The following XKR4 variants were observed in gnomAD, a reference collection of about 807,000 sequenced individuals.
XKR4 encodes XK related 4.
In XKR4, 12 loss-of-function variants were observed where a neutral mutation model predicts 53.9. The ratio of observed to expected loss-of-function variants is 0.22; its 90% CI spans 0.14 to 0.36. The LOEUF (loss-of-function observed/expected upper bound fraction) is 0.36. XKR4 is among the 10% of genes least tolerant of loss of function. XKR4 has a pLI of 1.00. For missense variants in XKR4, 799 were observed against 859.5 expected, an observed-to-expected ratio of 0.93 and a Z score of 0.88; for synonymous variants, 354 against 362.4, an observed-to-expected ratio of 0.98 and a Z score of 0.26.
rs960150454 is a variant in XKR4, at chr8:55,531,369, A to G, written c.*7142A>G. ...TAGAAAAGTTAACAGTAAAAAATAT[A>G]GTATTATTGTCTTATGGGATCGCTG... On this transcript the variant is annotated 3_prime_UTR_variant, in exon 3 of 3. Transcript: ENST00000327381. The G allele has an allele frequency of 1.3e-5, 2 of 152,222 alleles. No individual in the cohort carries two copies. The highest frequency in any genetic ancestry group is 4.8e-5 in the African/African-American group (2 of 41,460). 9.4% of individuals were successfully genotyped at this position (152,222 alleles called of 1,614,324 possible).
intron 1 of XKR4, chr8:55,164,567 C>A (rs2129357663): frequency 2.5e-6 from 1 of 397,098 alleles, no homozygotes; most frequent in South Asian, 1.8e-5. Flanking sequence ...TGCTTATGGG[C>A]AAAATGAATG....
chr8:55,362,364 T>C (rs1360147327), intron 2 of XKR4, among the ~76,000 whole-genome samples: 2 of 152,168 alleles, frequency 1.3e-5, no homozygotes, highest in Non-Finnish European at 2.9e-5. Context: ...GAAGAGAGAA[T>C]GGTCAGGTCT....
chr8:55,494,862 C>T (rs1449858571), intron 2 of XKR4, among the ~76,000 whole-genome samples: 1 of 152,184 alleles, frequency 6.6e-6, no homozygotes, highest in East Asian at 1.9e-4. Context: ...CAAGTTCCCC[C>T]TCTGGTCTGC....
intron 1 of XKR4, among the ~76,000 whole-genome samples, chr8:55,280,051 G>A (rs935754572): frequency 4.6e-5 from 7 of 152,152 alleles, no homozygotes; most frequent in Non-Finnish European, 1.0e-4. Context: ...GCCTTGTAAT[G>A]TGTTTGTGTT....
At chr8:55,184,860 T>A (rs1817356084) in intron 1 of XKR4, among the ~76,000 whole-genome samples, 1 of 151,604 alleles carries the variant, frequency 6.6e-6, no homozygotes, top group Non-Finnish European at 1.5e-5. Context: ...TTTTCTTTTT[T>A]AAGGCTAAAT....
intron 1 of XKR4, among the ~76,000 whole-genome samples, chr8:55,329,919 T>C (rs1240949245): frequency 6.6e-6 from 1 of 152,178 alleles, no homozygotes; most frequent in Non-Finnish European, 1.5e-5. Context: ...TACCACTCTC[T>C]TGTTTTCATT....
chr8:55,227,300 T>C (rs993268976), intron 1 of XKR4, among the ~76,000 whole-genome samples: 2 of 152,158 alleles, frequency 1.3e-5, no homozygotes, highest in African/African-American at 4.8e-5. Flanking sequence ...GACTTGAAAA[T>C]CTTTACTTAG....
At chr8:55,109,716 C>G (rs763014638) in intron 1 of XKR4, among the ~76,000 whole-genome samples, 1 of 152,110 alleles carries the variant, frequency 6.6e-6, no homozygotes, top group Non-Finnish European at 1.5e-5. Flanking sequence ...TATTTTTATA[C>G]TTATTACTCC....
intron 1 of XKR4, among the ~76,000 whole-genome samples, chr8:55,296,488 A>G (rs917154573): frequency 2.6e-5 from 4 of 152,222 alleles, no homozygotes; most frequent in Admixed American, 1.3e-4. Flanking sequence ...TACCTTTTCA[A>G]AAGCCTTTTG....
chr8:55,397,818 T>C (rs1187533156), intron 2 of XKR4, among the ~76,000 whole-genome samples: 1 of 152,180 alleles, frequency 6.6e-6, no homozygotes, highest in Non-Finnish European at 1.5e-5. Context: ...TTTCAGATGC[T>C]GATTCAGACC....
chr8:55,473,513 A>G (rs1805923390), intron 2 of XKR4, among the ~76,000 whole-genome samples: 1 of 152,172 alleles, frequency 6.6e-6, no homozygotes, highest in Non-Finnish European at 1.5e-5. Flanking sequence ...CATAATTGGT[A>G]TAGCTGAGCT....
chr8:55,301,211 G>T (rs1252031023), intron 1 of XKR4, among the ~76,000 whole-genome samples: 1 of 134,308 alleles, frequency 7.4e-6, no homozygotes, highest in Admixed American at 9.1e-5. Context: ...TGTTCTCATT[G>T]TTCAATTCCC....
At chr8:55,437,112 T>A (rs1232690847) in intron 2 of XKR4, among the ~76,000 whole-genome samples, 1 of 152,270 alleles carries the variant, frequency 6.6e-6, no homozygotes, top group Non-Finnish European at 1.5e-5. Context: ...AAGTTCTGCA[T>A]AAAAGTATTA....
intron 2 of XKR4, among the ~76,000 whole-genome samples, chr8:55,380,291 C>A (rs543793903): frequency 6.6e-6 from 1 of 152,312 alleles, no homozygotes; most frequent in African/African-American, 2.4e-5. Flanking sequence ...AATCAGAAGA[C>A]CGAAGTCAAC....
intron 2 of XKR4, among the ~76,000 whole-genome samples, chr8:55,520,251 C>T (rs1806779668): frequency 1.3e-5 from 2 of 152,192 alleles, no homozygotes; most frequent in African/African-American, 4.8e-5. Flanking sequence ...ATATATTTGT[C>T]TTATAAAAAT....
chr8:55,341,041 T>A (rs1803537440), intron 1 of XKR4, among the ~76,000 whole-genome samples: 1 of 152,154 alleles, frequency 6.6e-6, no homozygotes, highest in Non-Finnish European at 1.5e-5. Flanking sequence ...ATGGTACTTT[T>A]GGAGGATTTA....
chr8:55,449,908 GAT>G, intron 2 of XKR4: 1 of 873,818 alleles, frequency 1.1e-6, no homozygotes, highest in Non-Finnish European at 1.9e-6. Flanking sequence ...GCGGGAGCCA[GAT>G]GCGGTCGAGC....
chr8:55,466,658 G>T (rs1805776965), intron 2 of XKR4, among the ~76,000 whole-genome samples: 1 of 151,908 alleles, frequency 6.6e-6, no homozygotes, highest in Admixed American at 6.6e-5. Flanking sequence ...ATATGGATAA[G>T]CACATTTCTT....
At chr8:55,371,429 C>T (rs1804068634) in intron 2 of XKR4, among the ~76,000 whole-genome samples, 1 of 152,130 alleles carries the variant, frequency 6.6e-6, no homozygotes, top group Non-Finnish European at 1.5e-5. Flanking sequence ...TGCATATATA[C>T]TTTTAAAGTA....
Sources: gnomAD v4.1 joint callset for allele counts (sites outside exome capture counted in the v4.1 genomes callset) on GRCh38, gnomAD v4.1.1 for gene constraint, MANE v1.5 for transcripts, NCBI Gene and HGNC (gene_info 2026-07-23, HGNC 2026-07-21) for gene names.